The following STAG1 variants were observed in gnomAD, a reference collection of about 807,000 sequenced individuals.
STAG1 encodes STAG1 cohesin complex component, also known as cohesin subunit SA-1.
In STAG1, 26 loss-of-function variants were observed where a neutral mutation model predicts 170.9. The ratio of observed to expected loss-of-function variants is 0.15; its 90% CI spans 0.11 to 0.21. The LOEUF is 0.21. Ranked by LOEUF, STAG1 falls within the 10% of genes least tolerant of loss-of-function variation. STAG1 has a pLI of 1.00. For missense variants in STAG1, 964 were observed against 1,509.5 expected (o/e 0.64, Z 5.99); for synonymous variants, 514 against 497.7 (o/e 1.03, Z -0.44).
chr3:136,510,496 G>T (rs1342761331), intron 7 of STAG1, among the ~76,000 whole-genome samples: 1 of 151,970 alleles, frequency 6.6e-6, no homozygotes, highest in East Asian at 1.9e-4. Context: ...CACCATGTTG[G>T]CCAGGCTGGT....
At chr3:136,515,891 C>T (rs1576552612) in intron 7 of STAG1, among the ~76,000 whole-genome samples, 2 of 151,914 alleles carry the variant, frequency 1.3e-5, no homozygotes, top group Non-Finnish European at 2.9e-5. Flanking sequence ...TATATACAAA[C>T]CCTAGAAAAT....
intron 6 of STAG1, among the ~76,000 whole-genome samples, chr3:136,522,167 T>G (rs533674891): frequency 6.6e-6 from 1 of 152,342 alleles, no homozygotes; most frequent in Non-Finnish European, 1.5e-5. Context: ...TGCCTGAATA[T>G]TCTCAATGTG....
At chr3:136,557,391 A>G (rs1184688919) in intron 5 of STAG1, among the ~76,000 whole-genome samples, 1 of 152,188 alleles carries the variant, frequency 6.6e-6, no homozygotes. Context: ...TTTCACACTT[A>G]AAAAACTGAA....
At chr3:136,413,376 A>G (rs1487045711) in intron 21 of STAG1, among the ~76,000 whole-genome samples, 1 of 149,644 alleles carries the variant, frequency 6.7e-6, no homozygotes, top group African/African-American at 2.5e-5. Flanking sequence ...TTTCTGTAAC[A>G]TGTCTATAAT....
At chr3:136,740,573 T>C (rs1934611475) in intron 1 of STAG1, among the ~76,000 whole-genome samples, 1 of 152,172 alleles carries the variant, frequency 6.6e-6, no homozygotes, top group Non-Finnish European at 1.5e-5. Flanking sequence ...CTTGACCTCC[T>C]GGGCTCAAAC....
intron 1 of STAG1, among the ~76,000 whole-genome samples, chr3:136,691,577 G>C (rs1942724739): frequency 6.6e-6 from 1 of 152,130 alleles, no homozygotes; most frequent in African/African-American, 2.4e-5. Context: ...AGTAGTAGCT[G>C]GTGTGTCTGA....
At chr3:136,434,088 C>A (rs983425111) in intron 15 of STAG1, among the ~76,000 whole-genome samples, 33 of 151,976 alleles carry the variant, frequency 2.2e-4, no homozygotes, top group Non-Finnish European at 2.9e-4. Flanking sequence ...ACGTATGTAC[C>A]ATAATTCAGT....
Position 136,562,254 on chromosome 3 carries a change from T to C in STAG1, c.394+6511A>G, listed in dbSNP as rs997333550. On this transcript the variant is annotated intron_variant, in intron 5 of 33. Coordinates refer to ENST00000383202, the MANE Select transcript of STAG1 (RefSeq NM_005862.3). Reference sequence around the variant, plus strand: ...CAGTCTACTTTAAACAGTTTCTGAGTCATTTCTTTTTCTTTTTTTTTTTTA... The same window carrying C: ...CAGTCTACTTTAAACAGTTTCTGAGCCATTTCTTTTTCTTTTTTTTTTTTA... Among the ~76,000 whole-genome samples, 8 of 150,840 alleles carry C rather than the reference T, an allele frequency of 5.3e-5. 1 individual carries two copies. Among genetic ancestry groups the C allele is most frequent in the Non-Finnish European group, 1.0e-4 (7 of 67,836 alleles).
At chr3:136,454,741 A>G (rs2089057000) in intron 13 of STAG1, among the ~76,000 whole-genome samples, 1 of 152,198 alleles carries the variant, frequency 6.6e-6, no homozygotes, top group Admixed American at 6.5e-5. Context: ...ATTTGCTTAA[A>G]TTTTGAGTAT....
chr3:136,686,144 A>G (rs1279958417), intron 1 of STAG1, among the ~76,000 whole-genome samples: 1 of 152,198 alleles, frequency 6.6e-6, no homozygotes, highest in Non-Finnish European at 1.5e-5. Context: ...GGCTTGGAAG[A>G]TAATTCCTGG....
intron 2 of STAG1, among the ~76,000 whole-genome samples, chr3:136,629,626 A>G (rs1444541988): frequency 2.0e-5 from 3 of 152,148 alleles, no homozygotes; most frequent in African/African-American, 7.2e-5. Flanking sequence ...CAAGCGGTTT[A>G]AAGAAATTTG....
At chr3:136,542,000 T>C (rs752088984) in intron 6 of STAG1, 119 bp downstream of exon 6, 9 of 734,272 alleles carry the variant, frequency 1.2e-5, no homozygotes, top group African/African-American at 1.8e-5. Context: ...TCATATATAA[T>C]TAAAAAATAG....
intron 1 of STAG1, among the ~76,000 whole-genome samples, chr3:136,681,672 A>G (rs1194719249): frequency 6.6e-6 from 1 of 152,210 alleles, no homozygotes; most frequent in Non-Finnish European, 1.5e-5. Flanking sequence ...ACTCAACCTC[A>G]TATTAAAAAG....
In STAG1 at chr3:136,732,578, C is replaced by T. The variant is rs1051765370; in HGVS notation, c.-84+19617G>A. On this transcript the variant is annotated intron_variant, in intron 1 of 33. Coordinates refer to ENST00000383202, the MANE Select transcript of STAG1 (RefSeq NM_005862.3). ...GTGATAACCTTCATCTCTCAATTAA[C>T]CAGAGTACCTTATCATCTGACCATT... Among the ~76,000 whole-genome samples the T allele has an allele frequency of 2.9e-4, 44 of 152,254 alleles. 1 individual carries two copies. Among genetic ancestry groups the T allele is most frequent in the African/African-American group, 1.0e-3 (43 of 41,546 alleles).
intron 4 of STAG1, among the ~76,000 whole-genome samples, chr3:136,575,617 C>T (rs992571129): frequency 6.7e-6 from 1 of 149,450 alleles, no homozygotes; most frequent in African/African-American, 2.4e-5. Context: ...CAGCCACAGA[C>T]CCAAAGAGAA....
At chr3:136,429,402 T>C in intron 16 of STAG1, among the ~76,000 whole-genome samples, 1 of 152,098 alleles carries the variant, frequency 6.6e-6, no homozygotes, top group African/African-American at 2.4e-5. Context: ...AGCGAAACTC[T>C]GTCTCAAAAA....
At chr3:136,422,892 C>A (rs777372852) in intron 17 of STAG1, 35 bp from the exon 18 acceptor site, 1 of 1,593,038 alleles carries the variant, frequency 6.3e-7, no homozygotes, top group Non-Finnish European at 8.6e-7. Context: ...ACAGTAACTA[C>A]TTTAATAGTA....
At position 136,550,438 on chromosome 3, in the gene STAG1, G is replaced by A. The variant is rs551238865; in HGVS notation, c.395-8243C>T. On this transcript the variant is annotated intron_variant, in intron 5 of 33. Transcript: ENST00000383202. ...TTCTCCTGCCTCAGCCTCCCGAGTA[G>A]CTGGGATTACAGGCGCCCACCACCA... Among the ~76,000 whole-genome samples the A allele has an allele frequency of 3.3e-5, 5 of 151,954 alleles. No individual in the cohort carries two copies. In the East Asian group the frequency reaches 7.7e-4, roughly 24 times the overall value.
intron 7 of STAG1, among the ~76,000 whole-genome samples, chr3:136,505,707 T>C (rs545584925): frequency 6.6e-6 from 1 of 152,256 alleles, no homozygotes; most frequent in South Asian, 2.1e-4. Flanking sequence ...TACATTCTAG[T>C]GAGGAAAAGA....
Sources: gnomAD v4.1 joint callset for allele counts (sites outside exome capture counted in the v4.1 genomes callset) on GRCh38, gnomAD v4.1.1 for gene constraint, MANE v1.5 for transcripts, NCBI Gene and HGNC (gene_info 2026-07-23, HGNC 2026-07-21) for gene names.